Variants in CES5A observed in about 807,000 individuals in gnomAD.
The protein encoded by CES5A is carboxylesterase 5A, also known as carboxylesterase 5.
Under a neutral mutation model 62.9 loss-of-function variants are expected in CES5A, and 67 were observed. That is an observed-to-expected ratio of 1.07 (90% confidence interval 0.88 to 1.31). The LOEUF is 1.31. Among genes scored for constraint, CES5A ranks in the 50% most tolerant of loss-of-function variants. The pLI is 0.00. For synonymous variants in CES5A, 296 were observed against 280.8 expected (o/e 1.05, Z -0.54); for missense variants, 748 against 708.5 (o/e 1.06, Z -0.63).
intron 1 of CES5A, among the ~76,000 whole-genome samples, chr16:55,903,137 A>G (rs1348301619): frequency 6.6e-6 from 1 of 152,116 alleles, no homozygotes; most frequent in Non-Finnish European, 1.5e-5. Flanking sequence ...GAGAAAAAAA[A>G]AAAGACACAG....
At chr16:55,914,836 A>G (rs1267878134) in intron 1 of CES5A, among the ~76,000 whole-genome samples, 2 of 152,158 alleles carry the variant, frequency 1.3e-5, no homozygotes, top group Admixed American at 1.3e-4. Context: ...AAACGTCAGC[A>G]GTTTAGTTAA....
chr16:55,891,582 G>A (rs1246349593), intron 1 of CES5A, among the ~76,000 whole-genome samples: 1 of 152,196 alleles, frequency 6.6e-6, no homozygotes, highest in African/African-American at 2.4e-5. Flanking sequence ...GTCACAGGTA[G>A]GTGACAGACA....
chr16:55,885,294 C>T (rs1451072491), intron 1 of CES5A, among the ~76,000 whole-genome samples: 1 of 152,214 alleles, frequency 6.6e-6, no homozygotes, highest in African/African-American at 2.4e-5. Context: ...TGATATCCTC[C>T]ACTCCTGCTA....
At chr16:55,903,260 T>C (rs2034008647) in intron 1 of CES5A, among the ~76,000 whole-genome samples, 2 of 152,066 alleles carry the variant, frequency 1.3e-5, no homozygotes, top group South Asian at 2.1e-4. Flanking sequence ...CACCAGACTA[T>C]GAGATCCAAG....
intron 2 of CES5A, among the ~76,000 whole-genome samples, chr16:55,935,501 C>T (rs1394828995): frequency 2.0e-5 from 3 of 152,262 alleles, no homozygotes; most frequent in Middle Eastern, 3.4e-3. Context: ...ATCTGGGCAC[C>T]CCATGGCCCA....
rs28651751 is a variant in CES5A at position 55,937,224 on chromosome 16, C to A, written c.160+12561G>T. 3.8e-3 allele frequency among the ~76,000 whole-genome samples: 577 copies of A among 152,296 alleles called. 5 individuals carry two copies. Among genetic ancestry groups the A allele is most frequent in the African/African-American group, 0.013 (536 of 41,560 alleles). On this transcript the variant is annotated intron_variant, in intron 2 of 13. Coordinates refer to the CES5A transcript ENST00000521992. ...CTTCCCCCAGCAGAGCTGTCTCCACCCTTTGTTGGCCCCTCCTGCTGAGAC... is the reference window on the plus strand; with the variant it reads ...CTTCCCCCAGCAGAGCTGTCTCCACACTTTGTTGGCCCCTCCTGCTGAGAC...
At chr16:55,926,463 G>A (rs906623141), upstream of CES5A, among the ~76,000 whole-genome samples, 5 of 152,064 alleles carry the variant, frequency 3.3e-5, no homozygotes, top group African/African-American at 7.2e-5. Flanking sequence ...AAGAACTGAG[G>A]GTTCTTGCAA....
intron 1 of CES5A, among the ~76,000 whole-genome samples, chr16:55,895,773 G>A (rs2033926041): frequency 6.6e-6 from 1 of 152,180 alleles, no homozygotes; most frequent in Non-Finnish European, 1.5e-5. Context: ...GAAGTGGAAT[G>A]CTATGGTTTG....
intron 6 of CES5A, among the ~76,000 whole-genome samples, chr16:55,861,771 C>T (rs1215071534): frequency 6.6e-5 from 10 of 152,144 alleles, no homozygotes; most frequent in Non-Finnish European, 1.3e-4. Flanking sequence ...GGGAGTTTGT[C>T]AGTCTGTGGC....
At chr16:55,887,479 C>T (rs1483185181) in intron 1 of CES5A, among the ~76,000 whole-genome samples, 5 of 151,672 alleles carry the variant, frequency 3.3e-5, no homozygotes, top group Non-Finnish European at 7.4e-5. Context: ...AAAGAAAATT[C>T]AATGTGGCAA....
chr16:55,939,030 C>G (rs113691359), intron 2 of CES5A, among the ~76,000 whole-genome samples: 1 of 151,566 alleles, frequency 6.6e-6, no homozygotes, highest in Admixed American at 6.6e-5. Context: ...GATCTATGTG[C>G]TTTGGCAAGC....
At position 55,846,547 on chromosome 16, in the gene CES5A, G is replaced by C. The variant is rs146255658; in HGVS notation, c.1632C>G (p.Pro544=). Residue 544 remains proline (P), a synonymous_variant, in exon 13 of 13, where the codon CCC becomes CCG. Coordinates refer to ENST00000290567, the MANE Select transcript of CES5A (RefSeq NM_001143685.2). ...GCATGTCGGAGGCAGACAGGATCAG[G>C]GGGATGGTGCTGGTCCAAAAATCCA... ...PRVDFWTSTI[P]LILSASDMLH... 1.2e-5 allele frequency: 19 copies of C among 1,614,044 alleles called. No homozygotes were observed. The highest frequency in any genetic ancestry group is 3.3e-4 in the Middle Eastern group (2 of 6,084).
At chr16:55,948,034 G>A (rs2034514899) in intron 2 of CES5A, among the ~76,000 whole-genome samples, 1 of 151,964 alleles carries the variant, frequency 6.6e-6, no homozygotes, top group African/African-American at 2.4e-5. Flanking sequence ...GAACCTGAGA[G>A]CCTGATTAGG....
chr16:55,873,687 C>T (rs528698307), intron 2 of CES5A, 146 bp downstream of exon 2: 2 of 725,226 alleles, frequency 2.8e-6, no homozygotes, highest in East Asian at 5.4e-5. Flanking sequence ...CAGGGGATTA[C>T]CAAACCACTC....
At position 55,873,905 on chromosome 16, in the gene CES5A, G is replaced by C. The variant is rs1170954689; in HGVS notation, c.206C>G (p.Ser69Cys). Residue 69 changes from serine (S) to cysteine (C), a missense_variant, in exon 2 of 13, where the codon TCC (serine) becomes TGC (cysteine). By Grantham distance (112) the Ser-to-Cys change is moderately radical. Coordinates refer to ENST00000290567, the MANE Select transcript of CES5A (RefSeq NM_001143685.2). ...GVPFAAPPLG[S>C]LRFTNPQPAS... ...AGGCTGCGGGTTCGTAAATCGCAGGGATCCCAGCGGGGGAGCAGCAAAGGG... is the reference window on the plus strand; with the variant it reads ...AGGCTGCGGGTTCGTAAATCGCAGGCATCCCAGCGGGGGAGCAGCAAAGGG... The C allele has an allele frequency of 6.2e-7, 1 of 1,613,778 alleles. No individual in the cohort carries two copies. The highest frequency in any genetic ancestry group is 8.5e-7 in the Non-Finnish European group (1 of 1,180,014).
intron 1 of CES5A, among the ~76,000 whole-genome samples, chr16:55,905,034 C>T (rs555131239): frequency 6.6e-6 from 1 of 152,318 alleles, no homozygotes; most frequent in Non-Finnish European, 1.5e-5. Context: ...ATCTACCACA[C>T]CCAAGCTCTA....
intron 1 of CES5A, among the ~76,000 whole-genome samples, chr16:55,953,780 T>C (rs1331336380): frequency 6.6e-6 from 1 of 152,194 alleles, no homozygotes; most frequent in African/African-American, 2.4e-5. Context: ...GATGTATATA[T>C]TTATGGGGTA....
chr16:55,876,597 A>C (rs903123537), upstream of CES5A, among the ~76,000 whole-genome samples: 7 of 152,188 alleles, frequency 4.6e-5, no homozygotes, highest in Non-Finnish European at 5.9e-5. Context: ...AGGTAAAGTG[A>C]TGGGGTGCAG....
At chr16:55,869,245 C>T (rs1484201308) in intron 4 of CES5A, among the ~76,000 whole-genome samples, 1 of 152,200 alleles carries the variant, frequency 6.6e-6, no homozygotes, top group Non-Finnish European at 1.5e-5. Flanking sequence ...GGAGACCCTC[C>T]ATTGCATGAT....
Sources: gnomAD v4.1 joint callset for allele counts (sites outside exome capture counted in the v4.1 genomes callset) on GRCh38, gnomAD v4.1.1 for gene constraint, MANE v1.5 for transcripts, NCBI Gene and HGNC (gene_info 2026-07-23, HGNC 2026-07-21) for gene names.